FOXA3: variants seen among roughly 807,000 people sequenced by gnomAD.
The protein encoded by FOXA3 is forkhead box A3.
Under a neutral mutation model 16.9 loss-of-function variants are expected in FOXA3, and 11 were observed. That is an observed-to-expected ratio of 0.65 (90% CI 0.41 to 1.08). FOXA3 has a LOEUF of 1.08. Among genes scored for constraint, FOXA3 ranks in the 50% least tolerant of loss-of-function variants. FOXA3 has a pLI of 0.00. For missense variants in FOXA3, 423 were observed against 470.1 expected, an observed-to-expected ratio of 0.90 and a Z score of 0.93; for synonymous variants, 217 against 203.3, an observed-to-expected ratio of 1.07 and a Z score of -0.57.
In FOXA3 at chr19:45,871,712, C is replaced by T. The variant is rs557334942; in HGVS notation, c.70-363C>T. Reference sequence around the variant, plus strand: ...TCACGCCACTGCACTCCAGCCTGGGCGACAGAGCAAGACTCTGCCTCGAAA... The same window carrying T: ...TCACGCCACTGCACTCCAGCCTGGGTGACAGAGCAAGACTCTGCCTCGAAA... On this transcript the variant is annotated intron_variant, in intron 1 of 1. Transcript: ENST00000302177. Among the ~76,000 whole-genome samples the T allele has an allele frequency of 1.1e-3, 170 of 151,714 alleles. 1 individual carries two copies. Among genetic ancestry groups the T allele is most frequent in the Non-Finnish European group, 1.9e-3 (128 of 67,952 alleles).
chr19:45,864,622 A>G, intron 1 of FOXA3, 97 bp downstream of exon 1: 1 of 1,029,866 alleles, frequency 9.7e-7, no homozygotes, highest in Non-Finnish European at 1.3e-6. Context: ...AAATGGAGGC[A>G]AAGGCGTCTA....
At chr19:45,867,414 GAGATAGAT>G (rs10682335) in intron 1 of FOXA3, among the ~76,000 whole-genome samples, 2,246 of 143,604 alleles carry the variant, frequency 0.016, 28 homozygotes, top group East Asian at 0.066. Context: ...TGAAGGGAGG[GAGATAGAT>G]AGATAGATAG....
intron 1 of FOXA3, among the ~76,000 whole-genome samples, chr19:45,865,225 C>A (rs1222683554): frequency 6.6e-6 from 1 of 152,058 alleles, no homozygotes; most frequent in African/African-American, 2.4e-5. Flanking sequence ...TACCCATGAC[C>A]CTCCGCAGGG....
rs1247268754 is a variant in FOXA3, at chr19:45,872,957, C to G, written c.952C>G (p.Pro318Ala). The G allele has an allele frequency of 6.2e-7, 1 of 1,614,166 alleles. No individual in the cohort carries two copies. The highest frequency in any genetic ancestry group is 1.7e-5 in the Admixed American group (1 of 60,022). The change falls in exon 2 of 2, where the codon CCC becomes GCC. Residue 318 changes from proline to alanine, a missense_variant. By Grantham distance (27) the Pro-to-Ala change is conservative. Coordinates refer to ENST00000302177, the MANE Select transcript of FOXA3 (RefSeq NM_004497.3). The surrounding 1 kb of genome is among the most constrained non-coding windows in gnomAD (Gnocchi z 4.5). ...AATGTCAGAACAGACACCAGCACCT[C>G]CCAAACTGGACGTGGGGTTTGGGGG... ...NLMSEQTPAP[P>A]KLDVGFGGYG...
At chr19:45,870,530 G>A (rs1317586208) in intron 1 of FOXA3, among the ~76,000 whole-genome samples, 1 of 150,692 alleles carries the variant, frequency 6.6e-6, no homozygotes, top group Non-Finnish European at 1.5e-5. Context: ...TAATAAACCA[G>A]CAGTTATTAA....
rs903959774 is a variant in FOXA3 at position 45,873,391 on chromosome 19, G to GC, written c.*341dup. 241 of 366,236 alleles carry GC rather than the reference G, an allele frequency of 6.6e-4. No individual in the cohort carries two copies. The highest frequency in any genetic ancestry group is 1.7e-3 in the Middle Eastern group (2 of 1,182). 22.7% of individuals were successfully genotyped at this position (366,236 alleles called of 1,614,324 possible). A position where few individuals can be genotyped will look rare whatever the true frequency, so the allele number is the denominator to read the frequency against. ...TAGCATTTCAGTGACATCTTCTTTGGCCCCCCCCATTAGGTGCTGTGCCCA... is the reference window on the plus strand; with the variant it reads ...TAGCATTTCAGTGACATCTTCTTTGGCCCCCCCCCATTAGGTGCTGTGCCCA... On this transcript the variant is annotated 3_prime_UTR_variant, in exon 2 of 2. Coordinates refer to ENST00000302177, the MANE Select transcript of FOXA3 (RefSeq NM_004497.3).
At chr19:45,867,081 G>A (rs1313835614) in intron 1 of FOXA3, among the ~76,000 whole-genome samples, 3 of 152,090 alleles carry the variant, frequency 2.0e-5, no homozygotes, top group Non-Finnish European at 2.9e-5. Context: ...GGTGGATTAG[G>A]GCAGCTGGAG....
intron 1 of FOXA3, among the ~76,000 whole-genome samples, chr19:45,866,577 G>A (rs1214978558): frequency 6.6e-6 from 1 of 152,072 alleles, no homozygotes; most frequent in Non-Finnish European, 1.5e-5. Context: ...TCAGAACAAT[G>A]GGGAGAGAAA....
intron 1 of FOXA3, among the ~76,000 whole-genome samples, chr19:45,864,726 C>G (rs10417903): frequency 6.6e-6 from 1 of 152,108 alleles, no homozygotes; most frequent in African/African-American, 2.4e-5. Flanking sequence ...TGGGCAGCCT[C>G]GCCGCGGCCA....
intron 1 of FOXA3, among the ~76,000 whole-genome samples, chr19:45,868,718 G>C (rs1387325109): frequency 6.6e-6 from 1 of 152,158 alleles, no homozygotes. Flanking sequence ...GGCCTCGGAG[G>C]AGGCAGTGGG....
At position 45,871,275 on chromosome 19, in the gene FOXA3, A is replaced by G. The variant is rs982722296; in HGVS notation, c.70-800A>G. ...AAATTTCAAAAAATTTAGTCAAAAG[A>G]GCGACACTGTTTTTTTCCATTTTTG... is the stretch of plus-strand genomic sequence containing the variant. On this transcript the variant is annotated intron_variant, in intron 1 of 1. Transcript: ENST00000302177. 9.7e-4 allele frequency among the ~76,000 whole-genome samples: 147 copies of G among 152,170 alleles called. 1 individual carries two copies. The highest frequency in any genetic ancestry group is 1.4e-3 in the Non-Finnish European group (98 of 68,038).
chr19:45,864,591 G>T, intron 1 of FOXA3, 66 bp downstream of exon 1: 1 of 1,322,100 alleles, frequency 7.6e-7, no homozygotes, highest in Non-Finnish European at 1.0e-6. Flanking sequence ...CTCACATGGA[G>T]CAGGGACTGG....
In FOXA3 at chr19:45,864,424, G is replaced by C. The variant is rs1310711613; in HGVS notation, c.-33G>C. The stretch of plus-strand genomic sequence containing the variant: ...AGAGCGCTCCGTTCCCCCGGGGCCG[G>C]AGCGGGGGCGGGTGGGGGCGTAAGC... On this transcript the variant is annotated 5_prime_UTR_variant, in exon 1 of 2. Coordinates refer to ENST00000302177, the MANE Select transcript of FOXA3 (RefSeq NM_004497.3). The C allele has an allele frequency of 7.2e-7, 1 of 1,395,342 alleles. No homozygotes were observed. The highest frequency in any genetic ancestry group is 9.4e-7 in the Non-Finnish European group (1 of 1,060,606). The allele number at this position is 1,395,342 out of a possible 1,614,324, so 86.4% of individuals were successfully genotyped here. A position where few individuals can be genotyped will look rare whatever the true frequency, so the allele number is the denominator to read the frequency against.
chr19:45,869,088 C>A (rs544711650), intron 1 of FOXA3, among the ~76,000 whole-genome samples: 7 of 152,100 alleles, frequency 4.6e-5, no homozygotes, highest in African/African-American at 1.2e-4. Context: ...CCACCATGCC[C>A]GGCTAATTTT....
chr19:45,872,224 C>T lies in FOXA3; in HGVS notation c.219C>T (p.Pro73=), dbSNP rs1480866688. Reference sequence around the variant, plus strand: ...TGGCACCCCCAGCACCTGCAGCCCCCCTGGGGCCCACTTTCCCAGGCCTGG... The same window carrying T: ...TGGCACCCCCAGCACCTGCAGCCCCTCTGGGGCCCACTTTCCCAGGCCTGG... ...GPLAPPAPAA[P]LGPTFPGLGV... is the part of the protein sequence containing the mutation. Residue 73 remains proline (P), a synonymous_variant, in exon 2 of 2, where the codon CCC becomes CCT. Coordinates refer to ENST00000302177, the MANE Select transcript of FOXA3 (RefSeq NM_004497.3). The surrounding 1 kb of genome is among the most constrained non-coding windows in gnomAD (Gnocchi z 4.5). The T allele has an allele frequency of 6.2e-7, 1 of 1,605,838 alleles. No individual in the cohort carries two copies. The highest frequency in any genetic ancestry group is 1.3e-5 in the African/African-American group (1 of 74,870).
At position 45,872,745 on chromosome 19, in the gene FOXA3, T is replaced by A; in HGVS notation, c.740T>A (p.Val247Asp). ...TCGACCACCACCCCCGCGGCCACAG[T>A]CACCTCCCCGCCCCAGCCCCCGCCT... ...AASTTTPAATVTSPPQPPPPA... is the reference protein window; with the variant it reads ...AASTTTPAATDTSPPQPPPPA... The change falls in exon 2 of 2, where the codon GTC (valine) becomes GAC (aspartate). Residue 247 changes from valine (V) to aspartate (D), a missense_variant. This residue lies in a region of FOXA3 where 168 missense variants were observed against 179.3 expected (regional missense o/e 0.94). Transcript: ENST00000302177. This position sits in a 1 kb window ranked among gnomAD's most constrained non-coding sequence, Gnocchi z 4.5. 6.2e-7 allele frequency: 1 copy of A among 1,603,384 alleles called. No individual in the cohort carries two copies. Among genetic ancestry groups the A allele is most frequent in the South Asian group, 1.1e-5 (1 of 90,354 alleles).
At chr19:45,869,672 C>T (rs1225166368) in intron 1 of FOXA3, among the ~76,000 whole-genome samples, 2 of 151,854 alleles carry the variant, frequency 1.3e-5, no homozygotes, top group African/African-American at 4.8e-5. Context: ...GCTGCAGCTT[C>T]CAGAGAAGTC....
chr19:45,865,195 G>A (rs903554940), intron 1 of FOXA3, among the ~76,000 whole-genome samples: 4 of 151,934 alleles, frequency 2.6e-5, no homozygotes, highest in Non-Finnish European at 5.9e-5. Flanking sequence ...GAGAGGGGCC[G>A]ATCTCCACCC....
At chr19:45,866,726 GA>G (rs1972088370) in intron 1 of FOXA3, among the ~76,000 whole-genome samples, 1 of 152,158 alleles carries the variant, frequency 6.6e-6, no homozygotes, top group South Asian at 2.1e-4. Flanking sequence ...ACCATCCTGG[GA>G]TATCCCTGTT....
Sources: gnomAD v4.1 joint callset for allele counts (sites outside exome capture counted in the v4.1 genomes callset) on GRCh38, gnomAD v4.1.1 for gene constraint, gnomAD v4.1.1 regional missense constraint, Gnocchi (gnomAD v3.1) non-coding constraint, MANE v1.5 for transcripts, NCBI Gene and HGNC (gene_info 2026-07-23, HGNC 2026-07-21) for gene names.